The following PHKA2 variants were observed in gnomAD, a reference collection of about 807,000 sequenced individuals.
PHKA2 encodes the protein phosphorylase b kinase regulatory subunit alpha, liver isoform.
PHKA2 carries 31 observed loss-of-function variants against 102.0 expected under a neutral mutation model. The ratio of observed to expected loss-of-function variants is 0.30; its 90% confidence interval spans 0.23 to 0.41. The LOEUF is 0.41. Among genes scored for constraint, PHKA2 ranks in the 10% least tolerant of loss-of-function variants. The pLI is 1.00. For synonymous variants in PHKA2, 455 were observed against 416.2 expected (o/e 1.09, Z -1.13); for missense variants, 858 against 1,023.1 (o/e 0.84, Z 2.20).
Position 18,954,389 on chromosome X carries a change from T to C in PHKA2, c.102A>G (p.Ser34=). 8.3e-7 allele frequency: 1 copy of C among 1,211,511 alleles called. No homozygotes were observed. The highest frequency in any genetic ancestry group is 1.1e-6 in the Non-Finnish European group (1 of 895,251). ...AGGCATCCTTCTGCTCATGGCTGGCTGACAGCAGCCCCGTGACGGGATTCT... is the reference window on the plus strand; with the variant it reads ...AGGCATCCTTCTGCTCATGGCTGGCCGACAGCAGCCCCGTGACGGGATTCT... The part of the protein sequence containing the change: ...CYQNPVTGLL[S]ASHEQKDAWV... The change falls in exon 2 of 33, where the codon TCA becomes TCG. Residue 34 remains serine, a synonymous_variant. Transcript: ENST00000379942.
intron 26 of PHKA2, among the ~76,000 whole-genome samples, chrX:18,905,323 G>A (rs755039137): frequency 1.9e-3 from 214 of 111,874 alleles, no homozygotes; most frequent in African/African-American, 6.2e-3. Context: ...ACAGGCGCGC[G>A]CCACCACGCC....
chrX:18,956,579 C>T (rs781550369), intron 1 of PHKA2, among the ~76,000 whole-genome samples: 2 of 112,225 alleles, frequency 1.8e-5, no homozygotes, highest in Non-Finnish European at 3.8e-5. Context: ...TCTTTAGACA[C>T]GCTTAACTGT....
chrX:18,893,008 T>G lies in PHKA2; in HGVS notation c.*477A>C. Reference sequence around the variant, plus strand: ...CACAAGTGTTCTATTTGGTGAAGAGTTTGGTGCACAGACAGACTGCATCCT... The same window carrying G: ...CACAAGTGTTCTATTTGGTGAAGAGGTTGGTGCACAGACAGACTGCATCCT... On this transcript the variant is annotated 3_prime_UTR_variant, in exon 33 of 33. Transcript: ENST00000379942. 1 of 143,506 alleles carries G rather than the reference T, an allele frequency of 7.0e-6. No homozygotes were observed. Among genetic ancestry groups the G allele is most frequent in the Non-Finnish European group, 1.4e-5 (1 of 72,343 alleles). The allele number at this position is 143,506 out of a possible 1,213,427, so 11.8% of individuals were successfully genotyped here.
At chrX:18,970,933 C>T (rs2049010322) in intron 1 of PHKA2, among the ~76,000 whole-genome samples, 1 of 112,255 alleles carries the variant, frequency 8.9e-6, no homozygotes, top group Non-Finnish European at 1.9e-5. Flanking sequence ...CATGCCTTGC[C>T]CATAAAGCCT....
At chrX:18,936,573 A>C (rs2048397385) in intron 10 of PHKA2, among the ~76,000 whole-genome samples, 1 of 112,518 alleles carries the variant, frequency 8.9e-6, no homozygotes, top group African/African-American at 3.2e-5. Flanking sequence ...CCGGATTATA[A>C]ACTTCTTGTG....
Position 18,954,430 on chromosome X carries a change from C to A in PHKA2, c.79-18G>T, listed in dbSNP as rs768277331. ...ACGGGATTCTATTAGAGAAGAGACA[C>A]AAAATGGCTCAGTGCCATCCTTCAT... On this transcript the variant is annotated intron_variant, in intron 1 of 32. Transcript: ENST00000379942. The A allele has an allele frequency of 1.3e-5, 16 of 1,203,579 alleles. No individual in the cohort carries two copies. The African/African-American group carries it at 1.6e-4, about 12-fold the overall frequency.
intron 1 of PHKA2, among the ~76,000 whole-genome samples, chrX:18,961,001 C>T: frequency 8.9e-6 from 1 of 111,886 alleles, no homozygotes. Context: ...CATACACATG[C>T]AAGAAAAAGA....
At chrX:18,970,830 T>C (rs1160431938) in intron 1 of PHKA2, among the ~76,000 whole-genome samples, 1 of 112,102 alleles carries the variant, frequency 8.9e-6, no homozygotes, top group African/African-American at 3.3e-5. Context: ...CACTTAGTTA[T>C]ACTATGTTTC....
chrX:18,920,001 G>C (rs781158553), intron 18 of PHKA2, 31 bp downstream of exon 18: 3 of 1,133,157 alleles, frequency 2.6e-6, no homozygotes, highest in Non-Finnish European at 2.4e-6. Flanking sequence ...TAAATTCAGC[G>C]AACTACCCAC....
At chrX:18,905,901 G>C in intron 25 of PHKA2, 42 bp from the exon 26 acceptor site, 4 of 1,009,512 alleles carry the variant, frequency 4.0e-6, no homozygotes, top group Non-Finnish European at 4.2e-6. Flanking sequence ...CACAGGGCTG[G>C]TGGCGGGTAA....
At position 18,983,999 on chromosome X, in the gene PHKA2, C is replaced by G. The variant is rs1193670505; in HGVS notation, c.-67G>C. On this transcript the variant is annotated 5_prime_UTR_variant, in exon 1 of 33. Transcript: ENST00000379942. ...GGGCGCGGGACGTCGGGGCTGTGGCCTCCAAGCGGGTCTGGTTCCCGGACA... is the reference window on the plus strand; with the variant it reads ...GGGCGCGGGACGTCGGGGCTGTGGCGTCCAAGCGGGTCTGGTTCCCGGACA... 1 of 948,939 alleles carries G rather than the reference C, an allele frequency of 1.1e-6. No individual in the cohort carries two copies. Among genetic ancestry groups the G allele is most frequent in the African/African-American group, 1.9e-5 (1 of 52,731 alleles). The allele number at this position is 948,939 out of a possible 1,213,427, so 78.2% of individuals were successfully genotyped here.
At chrX:18,975,671 C>T (rs755168345) in intron 1 of PHKA2, among the ~76,000 whole-genome samples, 10 of 111,737 alleles carry the variant, frequency 8.9e-5, no homozygotes, top group Non-Finnish European at 1.3e-4. Flanking sequence ...TTTTTTCACA[C>T]ACCCAATATT....
At chrX:18,962,229 T>C (rs1006090723) in intron 1 of PHKA2, among the ~76,000 whole-genome samples, 3 of 111,262 alleles carry the variant, frequency 2.7e-5, no homozygotes, top group African/African-American at 9.8e-5. Flanking sequence ...AAGGCAGAGA[T>C]GTTGAAATAG....
intron 7 of PHKA2, among the ~76,000 whole-genome samples, chrX:18,943,199 C>G (rs2048521669): frequency 9.0e-6 from 1 of 111,720 alleles, no homozygotes; most frequent in Non-Finnish European, 1.9e-5. Flanking sequence ...CAATAGAATC[C>G]TCCAATCTGT....
In PHKA2 at chrX:18,908,447, T is replaced by C. The variant is rs73191587; in HGVS notation, c.2360+354A>G. ...CTAGTAAAGACCATAAACTTACTGC[T>C]ACGGCTTGAATGTCTGTTTTCCCCC... is the stretch of plus-strand genomic sequence containing the variant. On this transcript the variant is annotated intron_variant, in intron 21 of 32. Coordinates refer to ENST00000379942, the MANE Select transcript of PHKA2 (RefSeq NM_000292.3). 8.1e-3 allele frequency among the ~76,000 whole-genome samples: 914 copies of C among 112,649 alleles called. 22 individuals carry two copies. Among genetic ancestry groups the C allele is most frequent in the Admixed American group, 0.061 (646 of 10,646 alleles).
intron 9 of PHKA2, among the ~76,000 whole-genome samples, chrX:18,939,102 T>G (rs1678285005): frequency 8.9e-6 from 1 of 112,604 alleles, no homozygotes; most frequent in South Asian, 3.7e-4. Flanking sequence ...AGTCGGTCTT[T>G]AAGAAAAATG....
intron 17 of PHKA2, among the ~76,000 whole-genome samples, chrX:18,920,423 T>A (rs1237716968): frequency 8.9e-6 from 1 of 112,247 alleles, no homozygotes; most frequent in African/African-American, 3.2e-5. Context: ...GCCAAATGAA[T>A]CACACTGACT....
intron 1 of PHKA2, among the ~76,000 whole-genome samples, chrX:18,957,738 T>TTTTATA (rs1556017565): frequency 4.3e-4 from 41 of 95,142 alleles, no homozygotes; most frequent in African/African-American, 1.8e-3. Context: ...TAAAACCAGA[T>TTTTATA]TATATATATA....
intron 26 of PHKA2, among the ~76,000 whole-genome samples, chrX:18,901,846 G>GT (rs1258194997): frequency 5.8e-4 from 61 of 104,294 alleles, no homozygotes; most frequent in Admixed American, 8.2e-4. Flanking sequence ...AGTGAGATAT[G>GT]TTTTTTTTTT....
Sources: allele counts gnomAD v4.1 joint callset (sites outside exome capture counted in the v4.1 genomes callset), GRCh38; gene constraint gnomAD v4.1.1; transcripts MANE v1.5; gene names NCBI Gene and HGNC (gene_info 2026-07-23, HGNC 2026-07-21).